The following TMPRSS11D variants were observed in gnomAD, a reference collection of about 807,000 sequenced individuals.
The protein encoded by TMPRSS11D is transmembrane protease serine 11D.
TMPRSS11D carries 32 observed loss-of-function variants against 44.4 expected under a neutral mutation model. That is an observed-to-expected ratio of 0.72 (90% CI 0.54 to 0.97). The LOEUF is 0.97. TMPRSS11D is among the 50% of genes least tolerant of loss of function. The pLI is 0.00. For missense variants in TMPRSS11D, 446 were observed against 502.6 expected (o/e 0.89, Z 1.08); for synonymous variants, 179 against 177.9 (o/e 1.01, Z -0.05).
In TMPRSS11D at chr4:67,838,189, G is replaced by A. The variant is rs1414208885; in HGVS notation, c.458C>T (p.Pro153Leu). 2.6e-6 allele frequency: 4 copies of A among 1,564,282 alleles called. No homozygotes were observed. Among genetic ancestry groups the A allele is most frequent in the African/African-American group, 1.4e-5 (1 of 72,426 alleles). Residue 153 changes from proline (P) to leucine (L), a missense_variant, in exon 5 of 10, where the codon CCT becomes CTT. Pro to Leu is a moderately conservative substitution (Grantham distance 98, BLOSUM62 -3). Transcript: ENST00000283916. ...LNNSGNLEIN[P>L]STEITSLTDQ... is the part of the protein sequence containing the mutation. ...ATACTTACATGTTATCTCAGTTGAAGGGTTTATTTCCAGGTTTCCAGAGTT... is the reference window on the plus strand; with the variant it reads ...ATACTTACATGTTATCTCAGTTGAAAGGTTTATTTCCAGGTTTCCAGAGTT...
intron 1 of TMPRSS11D, among the ~76,000 whole-genome samples, chr4:67,872,655 T>C (rs910028307): frequency 6.6e-6 from 1 of 152,234 alleles, no homozygotes; most frequent in African/African-American, 2.4e-5. Context: ...TAATGATTGT[T>C]AACTTAGTGG....
chr4:67,862,479 G>A (rs1161832412), intron 1 of TMPRSS11D, among the ~76,000 whole-genome samples: 1 of 152,068 alleles, frequency 6.6e-6, no homozygotes, highest in African/African-American at 2.4e-5. Flanking sequence ...CTTGGGGGAA[G>A]CAAAGGGAAT....
chr4:67,838,375 T>C (rs953130383), intron 4 of TMPRSS11D, 46 bp from the exon 5 acceptor site: 5 of 1,462,454 alleles, frequency 3.4e-6, no homozygotes, highest in South Asian at 3.0e-5. Context: ...TATGACAATT[T>C]TTCACCATCC....
chr4:67,828,037 T>G (rs1717849333), intron 7 of TMPRSS11D, among the ~76,000 whole-genome samples: 2 of 7,824 alleles, frequency 2.6e-4, no homozygotes, highest in Admixed American at 3.3e-3. Flanking sequence ...AAGATTTTGG[T>G]GTGTGTGTGT....
At chr4:67,845,222 A>C (rs968524824) in intron 3 of TMPRSS11D, among the ~76,000 whole-genome samples, 6 of 152,216 alleles carry the variant, frequency 3.9e-5, no homozygotes, top group Non-Finnish European at 7.4e-5. Context: ...TACAAGAATA[A>C]AAGAAGAGGC....
chr4:67,868,044 C>T (rs1403644360), intron 1 of TMPRSS11D, among the ~76,000 whole-genome samples: 1 of 151,472 alleles, frequency 6.6e-6, no homozygotes, highest in African/African-American at 2.4e-5. Context: ...TTTATAATAG[C>T]AAAGATGTGT....
intron 1 of TMPRSS11D, among the ~76,000 whole-genome samples, chr4:67,879,430 C>G (rs1372158364): frequency 6.8e-6 from 1 of 148,006 alleles, no homozygotes; most frequent in Non-Finnish European, 1.5e-5. Context: ...GCAGATAAGG[C>G]CACTGCACTC....
chr4:67,876,633 G>C lies in TMPRSS11D; in HGVS notation c.8+7293C>G, dbSNP rs1719196981. On this transcript the variant is annotated intron_variant, in intron 1 of 9. Coordinates refer to ENST00000283916, the MANE Select transcript of TMPRSS11D (RefSeq NM_004262.3). ...AGATAAATAAAGTGATCTGCAGTGA[G>C]ATTAAGTGGTACCACAGAGGGGCCA... is the stretch of plus-strand genomic sequence containing the variant. Among the ~76,000 whole-genome samples the C allele has an allele frequency of 5.3e-5, 8 of 152,158 alleles. No homozygotes were observed. In the South Asian group the frequency reaches 1.7e-3, roughly 32 times the overall value.
chr4:67,876,781 T>C (rs1223099401), intron 1 of TMPRSS11D, among the ~76,000 whole-genome samples: 1 of 152,222 alleles, frequency 6.6e-6, no homozygotes, highest in Admixed American at 6.5e-5. Context: ...TTGGAAAAAC[T>C]AATAGCTATT....
intron 1 of TMPRSS11D, among the ~76,000 whole-genome samples, chr4:67,867,342 T>G (rs1718949940): frequency 6.6e-6 from 1 of 152,120 alleles, no homozygotes; most frequent in Non-Finnish European, 1.5e-5. Flanking sequence ...CAAGATGGAT[T>G]AAAGACTTAA....
intron 8 of TMPRSS11D, 127 bp from the exon 9 acceptor site, chr4:67,826,001 A>T: frequency 1.7e-6 from 2 of 1,182,256 alleles, no homozygotes; most frequent in South Asian, 4.8e-5. Context: ...AGGCTTCTAA[A>T]GATTTACTTT....
Position 67,822,170 on chromosome 4 carries a change from C to T in TMPRSS11D, c.*167G>A. The T allele has an allele frequency of 1.3e-6, 1 of 768,026 alleles. No homozygotes were observed. The highest frequency in any genetic ancestry group is 2.1e-5 in the South Asian group (1 of 47,184). 47.6% of individuals were successfully genotyped at this position (768,026 alleles called of 1,614,324 possible). A position where few individuals can be genotyped will look rare whatever the true frequency, so the allele number is the denominator to read the frequency against. ...ATAGTTCTCTGGAGAAAATAGAAAA[C>T]CTTTAATAATAAAGAAAGGTTAAAC... On this transcript the variant is annotated 3_prime_UTR_variant, in exon 10 of 10. Transcript: ENST00000283916.
intron 7 of TMPRSS11D, among the ~76,000 whole-genome samples, chr4:67,829,997 G>A (rs1431874158): frequency 1.3e-5 from 2 of 151,968 alleles, no homozygotes; most frequent in Non-Finnish European, 2.9e-5. Flanking sequence ...AGAAAGATAA[G>A]TACAAATATT....
intron 3 of TMPRSS11D, among the ~76,000 whole-genome samples, chr4:67,843,679 T>G (rs1718288973): frequency 6.6e-6 from 1 of 152,170 alleles, no homozygotes; most frequent in Non-Finnish European, 1.5e-5. Flanking sequence ...ATCCCAGCAC[T>G]TTGGGAGGCT....
intron 3 of TMPRSS11D, among the ~76,000 whole-genome samples, chr4:67,844,132 T>A (rs1455991700): frequency 6.6e-6 from 1 of 152,188 alleles, no homozygotes; most frequent in Non-Finnish European, 1.5e-5. Context: ...TGCTGGCTTA[T>A]ACTGTGAGGT....
chr4:67,825,929 C>A, intron 8 of TMPRSS11D, 55 bp from the exon 9 acceptor site: 1 of 1,474,170 alleles, frequency 6.8e-7, no homozygotes, highest in Non-Finnish European at 9.1e-7. Flanking sequence ...ACATTATTGA[C>A]CCTATAATAA....
chr4:67,846,406 G>C (rs1209421076), intron 3 of TMPRSS11D, among the ~76,000 whole-genome samples: 1 of 152,034 alleles, frequency 6.6e-6, no homozygotes, highest in Non-Finnish European at 1.5e-5. Context: ...TATAATATAA[G>C]TGGATAGAAT....
chr4:67,840,115 A>G (rs922402658), intron 4 of TMPRSS11D, among the ~76,000 whole-genome samples: 3 of 151,976 alleles, frequency 2.0e-5, no homozygotes, highest in African/African-American at 7.2e-5. Flanking sequence ...GATTAAATTT[A>G]AGCATACAAT....
At chr4:67,854,047 C>A in intron 3 of TMPRSS11D, 21 bp downstream of exon 3, 6 of 1,331,486 alleles carry the variant, frequency 4.5e-6, no homozygotes, top group Non-Finnish European at 6.2e-6. Flanking sequence ...GAATAAAGAG[C>A]AAAGACAAAT....
Sources: gnomAD v4.1 joint callset for allele counts (sites outside exome capture counted in the v4.1 genomes callset) on GRCh38, gnomAD v4.1.1 for gene constraint, MANE v1.5 for transcripts, NCBI Gene and HGNC (gene_info 2026-07-23, HGNC 2026-07-21) for gene names.